Variants in ZNF410 observed in about 807,000 individuals in gnomAD.
ZNF410 encodes zinc finger protein 410.
Under a neutral mutation model 54.8 loss-of-function variants are expected in ZNF410, and 18 were observed. That is an observed-to-expected ratio of 0.33 (90% confidence interval 0.23 to 0.49). ZNF410 has a LOEUF of 0.49. Ranked by LOEUF, ZNF410 falls within the 20% of genes least tolerant of loss-of-function variation. ZNF410 has a pLI of 0.99. For synonymous variants in ZNF410, 191 were observed against 207.3 expected (o/e 0.92, Z 0.68); for missense variants, 405 against 569.6 (o/e 0.71, Z 2.94).
chr14:73,903,943 A>G lies in ZNF410; in HGVS notation c.581-17A>G. The G allele has an allele frequency of 6.2e-7, 1 of 1,614,028 alleles. No homozygotes were observed. The highest frequency in any genetic ancestry group is 8.5e-7 in the Non-Finnish European group (1 of 1,179,962). On this transcript the variant is annotated splice_polypyrimidine_tract_variant and intron_variant, in intron 5 of 11. Coordinates refer to ENST00000555044, the MANE Select transcript of ZNF410 (RefSeq NM_021188.3). ...TAGGGTCTTTCCCTGGATTACAAATATGTGACTCTGTTACAGGAGAAAATG... is the reference window on the plus strand; with the variant it reads ...TAGGGTCTTTCCCTGGATTACAAATGTGTGACTCTGTTACAGGAGAAAATG...
intron 3 of ZNF410, among the ~76,000 whole-genome samples, chr14:73,894,617 G>A (rs1278124395): frequency 6.6e-6 from 1 of 151,926 alleles, no homozygotes; most frequent in Non-Finnish European, 1.5e-5. Context: ...AGTAGAAACG[G>A]GGTTTCACCA....
chr14:73,919,154 C>T (rs1204611949), intron 8 of ZNF410, among the ~76,000 whole-genome samples: 2 of 151,070 alleles, frequency 1.3e-5, no homozygotes, highest in South Asian at 2.1e-4. Flanking sequence ...TATATGCGCC[C>T]GCCACCACGC....
rs546122075 is a variant in ZNF410 at position 73,931,561 on chromosome 14, G to C, written c.*20G>C. 1 of 1,609,914 alleles carries C rather than the reference G, an allele frequency of 6.2e-7. No homozygotes were observed. Among genetic ancestry groups the C allele is most frequent in the African/African-American group, 1.3e-5 (1 of 74,758 alleles). On this transcript the variant is annotated 3_prime_UTR_variant, in exon 12 of 12. Coordinates refer to ENST00000555044, the MANE Select transcript of ZNF410 (RefSeq NM_021188.3). ...ACATGAGCGTGGGTGCTGACTCCTG[G>C]AAGAGCAACTCTATCTGATCTCAAA...
At chr14:73,927,236 C>T in intron 11 of ZNF410, 3 of 228,446 alleles carry the variant, frequency 1.3e-5, no homozygotes, top group East Asian at 1.8e-4. Flanking sequence ...CAGGCAGGTG[C>T]CACCACGCCC....
intron 8 of ZNF410, among the ~76,000 whole-genome samples, chr14:73,909,994 G>T (rs2055552565): frequency 6.6e-6 from 1 of 152,146 alleles, no homozygotes; most frequent in Non-Finnish European, 1.5e-5. Flanking sequence ...TTAATTCCCT[G>T]CAATTCTGTC....
intron 1 of ZNF410, among the ~76,000 whole-genome samples, chr14:73,890,507 G>A (rs1043494760): frequency 5.3e-5 from 8 of 152,076 alleles, no homozygotes; most frequent in Non-Finnish European, 1.2e-4. Flanking sequence ...TCTTTGTAAA[G>A]TCTGTCTTGT....
rs2055885630 is a variant in ZNF410, at chr14:73,929,845, A to G, written c.1399-1658A>G. ...AAAAAAGAAGAAAAATTACCATGGGAAAAATATCAGAAACTACAAGTCACC... is the reference window on the plus strand; with the variant it reads ...AAAAAAGAAGAAAAATTACCATGGGGAAAATATCAGAAACTACAAGTCACC... On this transcript the variant is annotated intron_variant, in intron 11 of 11. Coordinates refer to ENST00000555044, the MANE Select transcript of ZNF410 (RefSeq NM_021188.3). Among the ~76,000 whole-genome samples, 3 of 151,952 alleles carry G rather than the reference A, an allele frequency of 2.0e-5. No homozygotes were observed. The South Asian group carries it at 6.2e-4, about 32-fold the overall frequency.
At chr14:73,904,765 A>T (rs1594753057) in intron 6 of ZNF410, 137 bp from the exon 7 acceptor site, 2 of 381,974 alleles carry the variant, frequency 5.2e-6, no homozygotes, top group Non-Finnish European at 8.9e-6. Flanking sequence ...CTATAGTTTT[A>T]ACAAAGTCTT....
intron 1 of ZNF410, among the ~76,000 whole-genome samples, chr14:73,887,676 T>G (rs2055165161): frequency 6.6e-6 from 1 of 152,178 alleles, no homozygotes; most frequent in Non-Finnish European, 1.5e-5. Flanking sequence ...TAAAAAACAT[T>G]TGGAAATAAA....
At chr14:73,905,768 A>AGT (rs2055471601) in intron 7 of ZNF410, 1 of 127,746 alleles carries the variant, frequency 7.8e-6, no homozygotes, top group Non-Finnish European at 1.7e-5. Context: ...TGCCACTTTG[A>AGT]CTCTTCTTGA....
intron 6 of ZNF410, among the ~76,000 whole-genome samples, chr14:73,904,490 A>G (rs2055452512): frequency 6.6e-6 from 1 of 152,096 alleles, no homozygotes; most frequent in Admixed American, 6.5e-5. Flanking sequence ...AAGAGACAGG[A>G]TCTCACTTTG....
chr14:73,897,438 A>G (rs1043221927), intron 4 of ZNF410, among the ~76,000 whole-genome samples: 2 of 152,162 alleles, frequency 1.3e-5, no homozygotes, highest in African/African-American at 4.8e-5. Flanking sequence ...ATAGAGAGGA[A>G]CTAGTTGCAG....
intron 6 of ZNF410, among the ~76,000 whole-genome samples, chr14:73,904,616 C>T (rs2055454524): frequency 6.6e-6 from 1 of 152,112 alleles, no homozygotes; most frequent in African/African-American, 2.4e-5. Context: ...CACCACCACA[C>T]CTGGCTAATT....
intron 3 of ZNF410, chr14:73,895,277 T>C (rs62003714): frequency 0.49 from 74,543 of 151,882 alleles, 18,493 homozygotes; most frequent in South Asian, 0.61. Flanking sequence ...CAAGTGTTGG[T>C]AAGGATATGG....
Position 73,926,902 on chromosome 14 carries a change from A to G in ZNF410, c.1398+3380A>G, listed in dbSNP as rs1271748996. ...TTCCCCCTTGGCAAGAATATTTCAT[A>G]AATGGTGCTCTTGCTTCCTATTACA... is the stretch of plus-strand genomic sequence containing the variant. On this transcript the variant is annotated intron_variant, in intron 11 of 11. Transcript: ENST00000555044. 2.6e-5 allele frequency among the ~76,000 whole-genome samples: 4 copies of G among 152,342 alleles called. No homozygotes were observed. The East Asian group carries it at 7.7e-4, about 29-fold the overall frequency.
chr14:73,888,361 A>G (rs2055175594), intron 1 of ZNF410: 1 of 152,168 alleles, frequency 6.6e-6, no homozygotes, highest in South Asian at 2.1e-4. Flanking sequence ...GACTAGAGAA[A>G]AATGTAGGTA....
chr14:73,912,310 CA>C (rs113148965), intron 8 of ZNF410, among the ~76,000 whole-genome samples: 11,797 of 151,964 alleles, frequency 0.078, 703 homozygotes, highest in African/African-American at 0.17. Flanking sequence ...GCTGGTATTA[CA>C]GGCGCGTGCC....
chr14:73,918,803 ATTC>A (rs1184598978), intron 8 of ZNF410, among the ~76,000 whole-genome samples: 1 of 140,394 alleles, frequency 7.1e-6, no homozygotes, highest in African/African-American at 2.7e-5. Flanking sequence ...GGTTCACGCC[ATTC>A]TTCTGCCTCA....
chr14:73,930,800 T>A (rs1178981958), intron 11 of ZNF410, among the ~76,000 whole-genome samples: 2 of 151,946 alleles, frequency 1.3e-5, no homozygotes, highest in African/African-American at 4.8e-5. Flanking sequence ...AGGGCCTCAC[T>A]GTGTTGCCCA....
Sources: gnomAD v4.1 joint callset for allele counts (sites outside exome capture counted in the v4.1 genomes callset) on GRCh38, gnomAD v4.1.1 for gene constraint, MANE v1.5 for transcripts, NCBI Gene and HGNC (gene_info 2026-07-23, HGNC 2026-07-21) for gene names.